The following AGBL4 variants were observed in gnomAD, a reference collection of about 807,000 sequenced individuals.
The protein encoded by AGBL4 is cytosolic carboxypeptidase 6.
Under a neutral mutation model 66.4 loss-of-function variants are expected in AGBL4, and 58 were observed. That is an observed-to-expected ratio of 0.87 (90% CI 0.71 to 1.09). The LOEUF (loss-of-function observed/expected upper bound fraction) is 1.09, where lower values mean the gene tolerates loss of function less well. Among genes scored for constraint, AGBL4 ranks in the 50% least tolerant of loss-of-function variants. The pLI is 0.00. For missense variants in AGBL4, 579 were observed against 631.0 expected (o/e 0.92, Z 0.88); for synonymous variants, 234 against 222.9 (o/e 1.05, Z -0.44).
intron 3 of AGBL4, among the ~76,000 whole-genome samples, chr1:49,529,904 C>CG (rs1368272422): frequency 6.6e-6 from 1 of 150,998 alleles, no homozygotes; most frequent in Non-Finnish European, 1.5e-5. Flanking sequence ...ATCAGCAGAG[C>CG]GGGGGTAAGA....
At chr1:49,502,478 A>G (rs2148765998) in intron 3 of AGBL4, among the ~76,000 whole-genome samples, 1 of 152,260 alleles carries the variant, frequency 6.6e-6, no homozygotes, top group Admixed American at 6.5e-5. Flanking sequence ...ACTCAAAAAC[A>G]GGCAGAAGTT....
At chr1:48,869,994 C>A (rs770600779) in intron 5 of AGBL4, among the ~76,000 whole-genome samples, 3 of 152,040 alleles carry the variant, frequency 2.0e-5, no homozygotes, top group Admixed American at 2.0e-4. Flanking sequence ...CAGACATTAT[C>A]CTTTCAAACC....
At chr1:48,582,407 A>G (rs1644753301) in intron 11 of AGBL4, among the ~76,000 whole-genome samples, 1 of 152,230 alleles carries the variant, frequency 6.6e-6, no homozygotes, top group South Asian at 2.1e-4. Flanking sequence ...AAGTCCACAC[A>G]TAATTTTATT....
chr1:48,974,570 T>C (rs987695248), intron 5 of AGBL4, among the ~76,000 whole-genome samples: 1 of 152,154 alleles, frequency 6.6e-6, no homozygotes, highest in African/African-American at 2.4e-5. Flanking sequence ...AATTTTATTT[T>C]TATAAAACTT....
chr1:48,931,183 T>C (rs893252749), intron 5 of AGBL4, among the ~76,000 whole-genome samples: 2 of 152,212 alleles, frequency 1.3e-5, no homozygotes, highest in South Asian at 4.1e-4. Flanking sequence ...GAACTAAAAA[T>C]GATCTTGGTT....
At chr1:49,170,485 T>G (rs1159982714) in intron 4 of AGBL4, among the ~76,000 whole-genome samples, 1 of 143,936 alleles carries the variant, frequency 6.9e-6, no homozygotes, top group Non-Finnish European at 1.5e-5. Flanking sequence ...TAAATTTATA[T>G]ATTTATATTC....
chr1:49,983,536 G>A (rs1336891763), intron 1 of AGBL4, among the ~76,000 whole-genome samples: 1 of 152,250 alleles, frequency 6.6e-6, no homozygotes, highest in Non-Finnish European at 1.5e-5. Context: ...CCTGCCAGGT[G>A]AAGTGGCCAG....
At chr1:49,890,590 C>T (rs1571813248) in intron 1 of AGBL4, among the ~76,000 whole-genome samples, 3 of 152,172 alleles carry the variant, frequency 2.0e-5, no homozygotes, top group African/African-American at 7.2e-5. Flanking sequence ...ATCCCACTTC[C>T]TCTTCTTTCC....
intron 5 of AGBL4, among the ~76,000 whole-genome samples, chr1:49,002,153 A>C (rs1557545859): frequency 6.6e-6 from 1 of 152,232 alleles, no homozygotes; most frequent in Non-Finnish European, 1.5e-5. Context: ...CAGCAAAAAT[A>C]GATGTATAAG....
chr1:49,476,641 C>T (rs943849991), intron 3 of AGBL4, among the ~76,000 whole-genome samples: 2 of 152,030 alleles, frequency 1.3e-5, no homozygotes, highest in African/African-American at 4.8e-5. Flanking sequence ...GAATTGAACA[C>T]ATTATCATTA....
chr1:48,957,189 C>T (rs1657523511), intron 5 of AGBL4, among the ~76,000 whole-genome samples: 2 of 152,042 alleles, frequency 1.3e-5, no homozygotes, highest in Admixed American at 6.6e-5. Flanking sequence ...TACCTATAAG[C>T]AAAATAAAAC....
intron 3 of AGBL4, among the ~76,000 whole-genome samples, chr1:49,508,745 C>T (rs1287040932): frequency 6.6e-6 from 1 of 151,844 alleles, no homozygotes; most frequent in Non-Finnish European, 1.5e-5. Context: ...ATAATCATGA[C>T]CATCTCACAT....
intron 1 of AGBL4, among the ~76,000 whole-genome samples, chr1:50,002,359 CTTTTTTTTTT>C (rs372960346): frequency 7.3e-5 from 7 of 96,032 alleles, no homozygotes; most frequent in East Asian, 5.1e-4. Context: ...TGCCCTAGTT[CTTTTTTTTTT>C]TTTTTTTTTT....
Position 48,542,471 on chromosome 1 carries a change from G to C in AGBL4, c.1268-2733C>G, listed in dbSNP as rs139239324. Among the ~76,000 whole-genome samples the C allele has an allele frequency of 6.6e-3, 1,004 of 152,256 alleles. 25 individuals carry two copies. In the East Asian group the frequency reaches 0.07, roughly 11 times the overall value. On this transcript the variant is annotated intron_variant, in intron 11 of 13. Transcript: ENST00000371839. ...ACACTCCCACCAACAGTATAAAAGC[G>C]TTCCTATTTCTTCACATCCTCTCCA...
At chr1:49,817,637 A>C (rs1168753975) in intron 2 of AGBL4, among the ~76,000 whole-genome samples, 1 of 152,220 alleles carries the variant, frequency 6.6e-6, no homozygotes, top group East Asian at 1.9e-4. Context: ...GAGAGAAGAA[A>C]ATATACAAAC....
At chr1:48,665,977 A>G (rs561639324) in intron 6 of AGBL4, among the ~76,000 whole-genome samples, 1 of 152,338 alleles carries the variant, frequency 6.6e-6, no homozygotes, top group East Asian at 1.9e-4. Flanking sequence ...CTATTTGCAC[A>G]CTAATTTTAC....
intron 4 of AGBL4, among the ~76,000 whole-genome samples, chr1:49,238,171 A>G (rs771194028): frequency 4.0e-5 from 6 of 150,742 alleles, no homozygotes; most frequent in Admixed American, 2.0e-4. Flanking sequence ...CTCGGCATGG[A>G]TTTTCTGTTT....
intron 6 of AGBL4, among the ~76,000 whole-genome samples, chr1:48,789,294 A>T (rs77524767): frequency 0.11 from 14,283 of 131,672 alleles, 1,028 homozygotes; most frequent in East Asian, 0.26. Flanking sequence ...ATATATATAT[A>T]TTTTTTTTTT....
At chr1:49,143,937 G>C (rs1646166365) in intron 4 of AGBL4, among the ~76,000 whole-genome samples, 1 of 152,140 alleles carries the variant, frequency 6.6e-6, no homozygotes, top group African/African-American at 2.4e-5. Flanking sequence ...CAATGCTATT[G>C]AGAATGGTTC....
Sources: allele counts gnomAD v4.1 joint callset (sites outside exome capture counted in the v4.1 genomes callset), GRCh38; gene constraint gnomAD v4.1.1; transcripts MANE v1.5; gene names NCBI Gene and HGNC (gene_info 2026-07-23, HGNC 2026-07-21).